The following NXF3 variants were observed in gnomAD, a reference collection of about 807,000 sequenced individuals.
NXF3 encodes the protein nuclear RNA export factor 3.
In NXF3, 34 loss-of-function variants were observed where a neutral mutation model predicts 48.4. That is an observed-to-expected ratio of 0.70 (90% CI 0.53 to 0.93). The LOEUF (loss-of-function observed/expected upper bound fraction) is 0.93. Ranked by LOEUF, NXF3 falls within the 40% of genes least tolerant of loss-of-function variation. The pLI is 0.00. For synonymous variants in NXF3, 132 were observed against 145.7 expected (o/e 0.91, Z 0.68); for missense variants, 359 against 406.1 (o/e 0.88, Z 1.00).
At chrX:103,084,299 G>A (rs753028072) in intron 3 of NXF3, 43 bp downstream of exon 3, 2 of 1,198,666 alleles carry the variant, frequency 1.7e-6, no homozygotes, top group South Asian at 3.6e-5. Flanking sequence ...AATTCCCCCT[G>A]TTCTCCTTCT....
chrX:103,080,132 G>T lies in NXF3; in HGVS notation c.996+16C>A. 1 of 1,210,399 alleles carries T rather than the reference G, an allele frequency of 8.3e-7. No homozygotes were observed. The highest frequency in any genetic ancestry group is 1.1e-6 in the Non-Finnish European group (1 of 894,543). ...CCCTTCCTCATGCACCACCCTGCTG[G>T]ATCCTCTCTTCTCACCTTACAGGTT... On this transcript the variant is annotated intron_variant, in intron 11 of 19. Transcript: ENST00000395065.
intron 1 of NXF3, among the ~76,000 whole-genome samples, chrX:103,092,071 C>G (rs1301789546): frequency 9.2e-6 from 1 of 108,221 alleles, no homozygotes; most frequent in Non-Finnish European, 1.9e-5. Context: ...ATTGTTGGAT[C>G]AATTACTTTG....
At chrX:103,080,315 GGT>G in intron 10 of NXF3, 99 bp from the exon 11 acceptor site, 1 of 875,141 alleles carries the variant, frequency 1.1e-6, no homozygotes, top group Non-Finnish European at 1.7e-6. Context: ...TCAGAAATCA[GGT>G]GTGAAAGCGT....
rs758684521 is a variant in NXF3, at chrX:103,079,571, A to C, written c.1219+13T>G. The C allele has an allele frequency of 8.3e-5, 100 of 1,206,408 alleles. No homozygotes were observed. The highest frequency in any genetic ancestry group is 1.0e-4 in the Non-Finnish European group (91 of 891,869). On this transcript the variant is annotated intron_variant, in intron 14 of 19. Coordinates refer to ENST00000395065, the MANE Select transcript of NXF3 (RefSeq NM_022052.2). ...CCCCTTACCCTGCCCAGACTTCTCC[A>C]TCACACACTTACAGGGGTCCTTGAG...
rs1483501931 is a variant in NXF3, at chrX:103,079,359, C to T, written c.1335G>A (p.Thr445=). Residue 445 remains threonine (T), a splice_region_variant and synonymous_variant, in exon 15 of 20, where the codon ACG becomes ACA. Transcript: ENST00000395065. ...SSFLVDMWYQ[T]EWMLCFSVNG... is the part of the protein sequence containing the mutation. ...CCCAAGGGAGGAAGCAGGTACTCAC[C>T]GTCTGGTACCACATGTCCACCAGGA... 13 of 1,208,505 alleles carry T rather than the reference C, an allele frequency of 1.1e-5. No homozygotes were observed. The highest frequency in any genetic ancestry group is 1.5e-5 in the Non-Finnish European group (13 of 893,813).
chrX:103,079,649 G>T lies in NXF3; in HGVS notation c.1161-7C>A, dbSNP rs372006282. On this transcript the variant is annotated splice_region_variant and splice_polypyrimidine_tract_variant and intron_variant, in intron 13 of 19. Coordinates refer to ENST00000395065, the MANE Select transcript of NXF3 (RefSeq NM_022052.2). ...GAACTTGCAGAAGCTGCTCCTAGAA[G>T]AAAAAGAGGAGCAGGAGTGGGTGGT... The T allele has an allele frequency of 1.7e-6, 2 of 1,206,698 alleles. No homozygotes were observed. Among genetic ancestry groups the T allele is most frequent in the Non-Finnish European group, 2.2e-6 (2 of 892,413 alleles).
chrX:103,091,684 T>C (rs144176570), intron 1 of NXF3, among the ~76,000 whole-genome samples: 1,456 of 110,418 alleles, frequency 0.013, 29 homozygotes, highest in African/African-American at 0.045. Flanking sequence ...GGAATGAAAA[T>C]ACACATGTTA....
intron 1 of NXF3, chrX:103,087,612 C>A: frequency 1.0e-6 from 1 of 967,724 alleles, no homozygotes; most frequent in Non-Finnish European, 1.5e-6. Context: ...GAAAGATGGG[C>A]ATTACACCCG....
At chrX:103,083,094 T>G (rs746216733) in intron 6 of NXF3, 21 bp from the exon 7 acceptor site, 1 of 1,206,515 alleles carries the variant, frequency 8.3e-7, no homozygotes, top group South Asian at 1.8e-5. Flanking sequence ...AGAGATGGGT[T>G]TCAGAGGCTC....
intron 9 of NXF3, 29 bp from the exon 10 acceptor site, chrX:103,080,641 C>T (rs371201982): frequency 3.8e-4 from 453 of 1,197,618 alleles, no homozygotes; most frequent in Non-Finnish European, 4.9e-4. Context: ...AAATGGACAA[C>T]GGTAAGTGAA....
At chrX:103,077,821 C>T in intron 17 of NXF3, 75 bp from the exon 18 acceptor site, 1 of 1,122,038 alleles carries the variant, frequency 8.9e-7, no homozygotes, top group Non-Finnish European at 1.2e-6. Context: ...CTTTTTCCTA[C>T]TGTTCAGCAA....
rs1480550067 is a variant in NXF3 at position 103,083,682 on chromosome X, C to A, written c.362G>T (p.Gly121Val). ...CAGCCACTTCTCATTGTATTTTATG[C>A]CAAAGGGAACCTATGAGTGAAAGAA... is the stretch of plus-strand genomic sequence containing the variant. ...GSWFKITVPF[G>V]IKYNEKWLLN... Residue 121 changes from glycine to valine, a missense_variant, in exon 4 of 20, where the codon GGC becomes GTC. By Grantham distance (109) the Gly-to-Val change is moderately radical. Transcript: ENST00000395065. The A allele has an allele frequency of 5.0e-6, 6 of 1,193,675 alleles. No homozygotes were observed. The highest frequency in any genetic ancestry group is 6.8e-6 in the Non-Finnish European group (6 of 880,879).
rs1412941646 is a variant in NXF3, at chrX:103,079,861, C to T, written c.1062G>A (p.Leu354=). 1 of 1,206,080 alleles carries T rather than the reference C, an allele frequency of 8.3e-7. No homozygotes were observed. The highest frequency in any genetic ancestry group is 2.2e-5 in the Admixed American group (1 of 45,995). ...LVLQFLQQYY[L]IYDSGDRQGL... is the part of the protein sequence containing the mutation. ...CCTGTCGATCTCCAGAGTCATAGATCAAGTAATACCTGTTGGAGACCAGTG... is the reference window on the plus strand; with the variant it reads ...CCTGTCGATCTCCAGAGTCATAGATTAAGTAATACCTGTTGGAGACCAGTG... The change falls in exon 13 of 20, where the codon TTG becomes TTA. Residue 354 remains leucine (L), a synonymous_variant. Coordinates refer to ENST00000395065, the MANE Select transcript of NXF3 (RefSeq NM_022052.2).
Position 103,077,688 on chromosome X carries a change from T to C in NXF3, c.1510A>G (p.Ser504Gly). 8.3e-7 allele frequency: 1 copy of C among 1,210,808 alleles called. No individual in the cohort carries two copies. The highest frequency in any genetic ancestry group is 1.8e-5 in the South Asian group (1 of 56,964). Reference sequence around the variant, plus strand: ...GTGGGCACTAGGGTGAACAAGGCACTCTGGGTCCCTTGGTGGCTGGTATCC... The same window carrying C: ...GTGGGCACTAGGGTGAACAAGGCACCCTGGGTCCCTTGGTGGCTGGTATCC... ...VRDTSHQGTQ[S>G]ALFTLVPTAF... The change falls in exon 18 of 20, where the codon AGT becomes GGT. Residue 504 changes from serine to glycine, a missense_variant. Ser to Gly is a moderately conservative substitution (Grantham distance 56). Coordinates refer to ENST00000395065, the MANE Select transcript of NXF3 (RefSeq NM_022052.2).
chrX:103,079,229 A>G lies in NXF3; in HGVS notation c.1370T>C (p.Phe457Ser). The G allele has an allele frequency of 8.3e-7, 1 of 1,211,298 alleles. No individual in the cohort carries two copies. The highest frequency in any genetic ancestry group is 1.1e-6 in the Non-Finnish European group (1 of 895,128). ...ACTCTACAGACACTCACCTTCCTTGAACACCCCGTTGACAGAAAAGCAGAG... is the reference window on the plus strand; with the variant it reads ...ACTCTACAGACACTCACCTTCCTTGGACACCCCGTTGACAGAAAAGCAGAG... ...WMLCFSVNGV[F>S]KEVEGQSQGS... is the part of the protein sequence containing the mutation. The change falls in exon 16 of 20, where the codon TTC becomes TCC. Residue 457 changes from phenylalanine (F) to serine (S), a missense_variant. Transcript: ENST00000395065.
Position 103,088,697 on chromosome X carries a change from G to A in NXF3, c.29-3814C>T, listed in dbSNP as rs1201968332. ...AAAAAGACACTATTTAGTTCATACT[G>A]GACAGAGGCCTTTTTGCTGTTAATA... On this transcript the variant is annotated intron_variant, in intron 1 of 19. Coordinates refer to ENST00000395065, the MANE Select transcript of NXF3 (RefSeq NM_022052.2). 6.2e-6 allele frequency: 6 copies of A among 971,526 alleles called. No individual in the cohort carries two copies. In the Admixed American group the frequency reaches 1.7e-4, roughly 27 times the overall value. The allele number at this position is 971,526 out of a possible 1,213,427, so 80.1% of individuals were successfully genotyped here. A position where few individuals can be genotyped will look rare whatever the true frequency, so the allele number is the denominator to read the frequency against.
chrX:103,090,663 A>G (rs779244255), intron 1 of NXF3, among the ~76,000 whole-genome samples: 6 of 111,946 alleles, frequency 5.4e-5, no homozygotes, highest in Admixed American at 1.9e-4. Context: ...TCATAATCTG[A>G]GAACTCCCTT....
chrX:103,085,889 C>T (rs764224910), intron 1 of NXF3, among the ~76,000 whole-genome samples: 166 of 70,449 alleles, frequency 2.4e-3, no homozygotes, highest in Non-Finnish European at 3.7e-3. Context: ...GGCGACAAAG[C>T]GAGACTCTGT....
intron 9 of NXF3, 199 bp from the exon 10 acceptor site, chrX:103,080,811 C>G (rs1230787806): frequency 6.7e-6 from 3 of 447,457 alleles, no homozygotes; most frequent in Non-Finnish European, 1.2e-5. Flanking sequence ...CCTCTCTCAC[C>G]TTTGTCCAAG....
Sources: gnomAD v4.1 joint callset for allele counts (sites outside exome capture counted in the v4.1 genomes callset) on GRCh38, gnomAD v4.1.1 for gene constraint, MANE v1.5 for transcripts, NCBI Gene and HGNC (gene_info 2026-07-23, HGNC 2026-07-21) for gene names.